Variants in TSC2 observed in about 807,000 individuals in gnomAD.
The protein encoded by TSC2 is TSC complex subunit 2, also known as tuberin.
A neutral mutation model predicts 202.2 loss-of-function variants in TSC2; 29 were observed. The observed-to-expected ratio is 0.14, with a 90% CI of 0.11 to 0.20. The LOEUF (loss-of-function observed/expected upper bound fraction) is 0.20. TSC2 is among the 10% of genes least tolerant of loss of function. The pLI, the probability that TSC2 is intolerant of heterozygous loss-of-function variation, is 1.00. For synonymous variants in TSC2, 1,349 were observed against 1,044.0 expected, an observed-to-expected ratio of 1.29 and a Z score of -5.63; for missense variants, 2,429 against 2,420.0, an observed-to-expected ratio of 1.00 and a Z score of -0.08.
rs912243414 is a variant in TSC2, at chr16:2,056,893, G to T, written c.774+124G>T. ...GCCAGACAATGGCCTGTTGAGGGAC[G>T]GCCAGTGTCATTTTCCCAGGCAGTT... On this transcript the variant is annotated intron_variant, in intron 8 of 41. Transcript: ENST00000219476. 2.6e-6 allele frequency: 4 copies of T among 1,513,120 alleles called. No homozygotes were observed. In the African/African-American group the frequency reaches 5.5e-5, roughly 21 times the overall value. 93.7% of individuals were successfully genotyped at this position (1,513,120 alleles called of 1,614,324 possible). A position where few individuals can be genotyped will look rare whatever the true frequency, so the allele number is the denominator to read the frequency against.
At chr16:2,087,661 A>T (rs1263915620) in intron 38 of TSC2, among the ~76,000 whole-genome samples, 1 of 152,082 alleles carries the variant, frequency 6.6e-6, no homozygotes, top group Non-Finnish European at 1.5e-5. Flanking sequence ...GCTGCAGCAT[A>T]TGTGGGTGCT....
chr16:2,079,237 TCC>T lies in TSC2; in HGVS notation c.3132-38_3132-37del. On this transcript the variant is annotated intron_variant, in intron 27 of 41. Coordinates refer to ENST00000219476, the MANE Select transcript of TSC2 (RefSeq NM_000548.5). The surrounding 1 kb of genome is among the most constrained non-coding windows in gnomAD (Gnocchi z 4.6). ...CAGGGCTGGGCGGGCCTGCGGGAGC[TCC>T]ACGGGCAAGCTGGGTTTCACGCTCC... 6.2e-7 allele frequency: 1 copy of T among 1,612,860 alleles called. No individual in the cohort carries two copies. Among genetic ancestry groups the T allele is most frequent in the Non-Finnish European group, 8.5e-7 (1 of 1,180,010 alleles).
At chr16:2,070,183 C>G (rs915708873) in intron 16 of TSC2, among the ~76,000 whole-genome samples, 2 of 152,234 alleles carry the variant, frequency 1.3e-5, no homozygotes, top group Non-Finnish European at 2.9e-5. Flanking sequence ...CCGCCCCATT[C>G]TGCCCTGTCT....
chr16:2,057,261 C>T (rs2085983463), intron 9 of TSC2, 83 bp downstream of exon 9: 3 of 1,491,992 alleles, frequency 2.0e-6, no homozygotes, highest in Non-Finnish European at 2.7e-6. Flanking sequence ...CAAGCACACA[C>T]TGGCTTAGAG....
rs45517275 is a variant in TSC2 at position 2,077,647 on chromosome 16, G to C, written c.2887G>C (p.Val963Leu). The C allele has an allele frequency of 6.2e-7, 1 of 1,613,092 alleles. No homozygotes were observed. The highest frequency in any genetic ancestry group is 1.1e-5 in the South Asian group (1 of 91,084). ...ACAAGGCTTGAATAACTCTCCACCC[G>C]TGAAAGAATTCAAGGAGAGCTCTGC... ...PKQGLNNSPPVKEFKESSAAE... is the reference protein window; with the variant it reads ...PKQGLNNSPPLKEFKESSAAE... The change falls in exon 26 of 42, where the codon GTG becomes CTG. Residue 963 changes from valine to leucine, a missense_variant. Transcript: ENST00000219476.
At chr16:2,048,173 A>T in intron 1 of TSC2, 108 bp downstream of exon 1, 10 of 1,538,396 alleles carry the variant, frequency 6.5e-6, no homozygotes, top group Non-Finnish European at 7.9e-6. Context: ...GCCCACTGCA[A>T]CCCGACTCCG....
chr16:2,064,185 G>T, intron 14 of TSC2, 87 bp from the exon 15 acceptor site: 3 of 1,602,018 alleles, frequency 1.9e-6, no homozygotes, highest in Non-Finnish European at 2.6e-6. Flanking sequence ...TCCGCTGCTT[G>T]CGGGTCGGTT....
At chr16:2,062,361 T>C in intron 12 of TSC2, 136 bp from the exon 13 acceptor site, 1 of 833,872 alleles carries the variant, frequency 1.2e-6, no homozygotes, top group South Asian at 1.5e-5. Flanking sequence ...AGGAGTGCCT[T>C]TGTGTCTGGG....
intron 20 of TSC2, chr16:2,072,604 T>G (rs2088633795): frequency 3.8e-6 from 3 of 787,308 alleles, no homozygotes; most frequent in Non-Finnish European, 4.0e-6. Context: ...TGAATGTGGA[T>G]GTCTCCCATC....
Position 2,089,346 on chromosome 16 carries a change from G to C in TSC2, c.*736G>C, listed in dbSNP as rs2091337335. ...TAGGAACTGGAGAGGTAATAACTTA[G>C]GGGCAGGGTGGCGGCGGTGCAGGCT... On this transcript the variant is annotated 3_prime_UTR_variant, in exon 42 of 42. Coordinates refer to ENST00000219476, the MANE Select transcript of TSC2 (RefSeq NM_000548.5). The C allele has an allele frequency of 3.0e-6, 1 of 337,506 alleles. No homozygotes were observed. The highest frequency in any genetic ancestry group is 5.5e-6 in the Non-Finnish European group (1 of 181,160). The allele number at this position is 337,506 out of a possible 1,614,324, so 20.9% of individuals were successfully genotyped here. A position where few individuals can be genotyped will look rare whatever the true frequency, so the allele number is the denominator to read the frequency against.
intron 38 of TSC2, 172 bp downstream of exon 38, chr16:2,087,043 CTG>C: frequency 9.9e-7 from 1 of 1,009,548 alleles, no homozygotes; most frequent in South Asian, 1.5e-5. Context: ...GTTGTGTCCT[CTG>C]TGCCCTGAAG....
chr16:2,065,720 TCC>T, intron 16 of TSC2, 85 bp downstream of exon 16: 1 of 1,239,952 alleles, frequency 8.1e-7, no homozygotes, highest in Non-Finnish European at 1.2e-6. Flanking sequence ...TGGAGTCTGT[TCC>T]CCAGCGGGAC....
At chr16:2,077,953 C>G (rs988254166) in intron 26 of TSC2, among the ~76,000 whole-genome samples, 5 of 152,204 alleles carry the variant, frequency 3.3e-5, no homozygotes, top group African/African-American at 1.2e-4. Flanking sequence ...GGGTGCCGCT[C>G]CGAGAGAGCC....
Position 2,088,477 on chromosome 16 carries a change from G to C in TSC2, c.5291G>C (p.Ser1764Thr), listed in dbSNP as rs138831802. ...GAGGAAGCCGCCTACTCCAACCCCAGCCTACCTCTGGTGCACCCTCCGTCC... is the reference window on the plus strand; with the variant it reads ...GAGGAAGCCGCCTACTCCAACCCCACCCTACCTCTGGTGCACCCTCCGTCC... ...ICEEAAYSNP[S>T]LPLVHPPSHS... The change falls in exon 42 of 42, where the codon AGC becomes ACC. Residue 1764 changes from serine (S) to threonine (T), a missense_variant. Coordinates refer to ENST00000219476, the MANE Select transcript of TSC2 (RefSeq NM_000548.5). 6.2e-7 allele frequency: 1 copy of C among 1,612,868 alleles called. No homozygotes were observed. The highest frequency in any genetic ancestry group is 8.5e-7 in the Non-Finnish European group (1 of 1,180,012).
rs753000765 is a variant in TSC2, at chr16:2,087,858, G to T, written c.4990-5G>T. 1.9e-6 allele frequency: 3 copies of T among 1,612,490 alleles called. No homozygotes were observed. The highest frequency in any genetic ancestry group is 1.7e-5 in the Admixed American group (1 of 59,996). On this transcript the variant is annotated splice_polypyrimidine_tract_variant and splice_region_variant and intron_variant, in intron 38 of 41. Coordinates refer to ENST00000219476, the MANE Select transcript of TSC2 (RefSeq NM_000548.5). ...CGGGGATGACCCTTTCTCTTGTCCG[G>T]GCAGGGCCAGTTCAACTTTGTCCAC...
chr16:2,086,141 G>T, intron 36 of TSC2, 52 bp from the exon 37 acceptor site: 1 of 1,606,570 alleles, frequency 6.2e-7, no homozygotes, highest in Non-Finnish European at 8.5e-7. Flanking sequence ...CCTCTGCGGG[G>T]CAGGGCCCGG....
rs765255206 is a variant in TSC2 at position 2,081,769 on chromosome 16, A to G, written c.3785A>G (p.Lys1262Arg). 6.2e-7 allele frequency: 1 copy of G among 1,612,698 alleles called. No homozygotes were observed. The highest frequency in any genetic ancestry group is 8.5e-7 in the Non-Finnish European group (1 of 1,179,992). The part of the protein sequence containing the change: ...SLSVPAASTA[K>R]PPPLPRSNTV... ...TCGGTGCCGGCAGCCAGCACGGCCA[A>G]ACCCCCTCCTCTGCCTCGCTCCAAC... Residue 1262 changes from lysine (K) to arginine (R), a missense_variant, in exon 31 of 42, where the codon AAA (lysine) becomes AGA (arginine). By Grantham distance (26) the Lys-to-Arg change is conservative. Coordinates refer to ENST00000219476, the MANE Select transcript of TSC2 (RefSeq NM_000548.5).
chr16:2,058,894 A>G (rs2151110666), intron 10 of TSC2, 21 bp downstream of exon 10: 1 of 1,603,438 alleles, frequency 6.2e-7, no homozygotes, highest in African/African-American at 1.3e-5. Flanking sequence ...TTCTGTGTGC[A>G]GTGAGCTGGC....
chr16:2,049,095 T>C (rs983592874), intron 2 of TSC2, among the ~76,000 whole-genome samples: 1 of 151,130 alleles, frequency 6.6e-6, no homozygotes, highest in East Asian at 1.9e-4. Context: ...TTTATTTTAT[T>C]TTTTTTTTGA....
Sources: gnomAD v4.1 joint callset for allele counts (sites outside exome capture counted in the v4.1 genomes callset) on GRCh38, gnomAD v4.1.1 for gene constraint, Gnocchi (gnomAD v3.1) non-coding constraint, MANE v1.5 for transcripts, NCBI Gene and HGNC (gene_info 2026-07-23, HGNC 2026-07-21) for gene names.